Variants in SORCS2 observed in about 807,000 individuals in gnomAD.
SORCS2 encodes sortilin related VPS10 domain containing receptor 2.
A neutral mutation model predicts 141.6 loss-of-function variants in SORCS2; 100 were observed. The observed-to-expected ratio is 0.71, with a 90% confidence interval of 0.60 to 0.83. The LOEUF (loss-of-function observed/expected upper bound fraction) is 0.83. Among genes scored for constraint, SORCS2 ranks in the 40% least tolerant of loss-of-function variants. The pLI, the probability that SORCS2 is intolerant of heterozygous loss-of-function variation, is 0.00. For synonymous variants in SORCS2, 789 were observed against 676.9 expected, an observed-to-expected ratio of 1.17 and a Z score of -2.57; for missense variants, 1,646 against 1,560.2, an observed-to-expected ratio of 1.05 and a Z score of -0.93.
intron 3 of SORCS2, among the ~76,000 whole-genome samples, chr4:7,543,915 C>T (rs1308938778): frequency 7.4e-4 from 23 of 31,184 alleles, no homozygotes; most frequent in African/African-American, 1.7e-3. Context: ...CACCCATCCA[C>T]CCATCCACCC....
chr4:7,238,977 C>T (rs1712491087), intron 1 of SORCS2, among the ~76,000 whole-genome samples: 1 of 152,248 alleles, frequency 6.6e-6, no homozygotes, highest in Non-Finnish European at 1.5e-5. Flanking sequence ...GCCCCAGCAG[C>T]TCCACCACTG....
chr4:7,443,175 T>A (rs1727784780), intron 2 of SORCS2, among the ~76,000 whole-genome samples: 1 of 152,134 alleles, frequency 6.6e-6, no homozygotes, highest in South Asian at 2.1e-4. Context: ...GGTACCAGGG[T>A]TAGGACTTGA....
intron 12 of SORCS2, among the ~76,000 whole-genome samples, chr4:7,698,928 G>A (rs1432278561): frequency 1.3e-5 from 2 of 152,172 alleles, no homozygotes; most frequent in African/African-American, 2.4e-5. Flanking sequence ...CAGAGGCAGG[G>A]AGGGCAGGGT....
intron 14 of SORCS2, 23 bp downstream of exon 14, chr4:7,704,307 G>C (rs761293669): frequency 6.3e-7 from 1 of 1,582,436 alleles, no homozygotes; most frequent in Middle Eastern, 1.7e-4. Context: ...ACCGGGGAGT[G>C]GGCACTGGTG....
At chr4:7,538,151 C>T (rs773796412) in intron 3 of SORCS2, among the ~76,000 whole-genome samples, 9 of 152,188 alleles carry the variant, frequency 5.9e-5, no homozygotes, top group Non-Finnish European at 1.2e-4. Flanking sequence ...TGCAGGAAGA[C>T]GTGAATACTA....
At chr4:7,424,165 C>G (rs985724567) in intron 2 of SORCS2, among the ~76,000 whole-genome samples, 1 of 152,202 alleles carries the variant, frequency 6.6e-6, no homozygotes, top group Non-Finnish European at 1.5e-5. Context: ...GGTGGTGGGA[C>G]AGAGCTGCAG....
At chr4:7,709,919 C>T (rs1188540725) in intron 14 of SORCS2, among the ~76,000 whole-genome samples, 2 of 152,144 alleles carry the variant, frequency 1.3e-5, no homozygotes, top group African/African-American at 4.8e-5. Flanking sequence ...GTTCACCCCT[C>T]GCAGCGTGGC....
At chr4:7,322,529 A>G (rs536639601) in intron 1 of SORCS2, among the ~76,000 whole-genome samples, 1 of 152,152 alleles carries the variant, frequency 6.6e-6, no homozygotes, top group East Asian at 1.9e-4. Context: ...GGCAAAGTAG[A>G]TGGTGCCCAG....
At chr4:7,608,831 T>G (rs1233674356) in intron 3 of SORCS2, among the ~76,000 whole-genome samples, 2 of 152,182 alleles carry the variant, frequency 1.3e-5, no homozygotes, top group African/African-American at 4.8e-5. Flanking sequence ...TGTACCAGAT[T>G]CTGCTTGGGG....
chr4:7,396,945 A>T (rs935869179), intron 2 of SORCS2, among the ~76,000 whole-genome samples: 2 of 152,200 alleles, frequency 1.3e-5, no homozygotes, highest in Non-Finnish European at 2.9e-5. Flanking sequence ...ATCCTCCTCA[A>T]TATTTACATC....
intron 3 of SORCS2, among the ~76,000 whole-genome samples, chr4:7,576,490 T>A (rs758866936): frequency 6.6e-6 from 1 of 152,170 alleles, no homozygotes; most frequent in Non-Finnish European, 1.5e-5. Context: ...CCTGTGGGAC[T>A]GAGAAGGGGT....
chr4:7,305,428 G>A (rs187861280), intron 1 of SORCS2, among the ~76,000 whole-genome samples: 89 of 150,950 alleles, frequency 5.9e-4, no homozygotes, highest in Non-Finnish European at 1.1e-3. Context: ...AGGGGTGCCC[G>A]GCCAGTGCTA....
At chr4:7,641,439 C>T (rs1720721281) in intron 4 of SORCS2, among the ~76,000 whole-genome samples, 1 of 152,150 alleles carries the variant, frequency 6.6e-6, no homozygotes, top group Admixed American at 6.5e-5. Flanking sequence ...GGAAACTGCC[C>T]CATGATCCAA....
intron 1 of SORCS2, among the ~76,000 whole-genome samples, chr4:7,251,394 G>T (rs575199408): frequency 4.2e-4 from 64 of 152,188 alleles, no homozygotes; most frequent in Non-Finnish European, 7.5e-4. Flanking sequence ...TGGAGAGAGG[G>T]TTGGGGGGAC....
chr4:7,513,514 G>A (rs1026728819), intron 2 of SORCS2, among the ~76,000 whole-genome samples: 2 of 152,252 alleles, frequency 1.3e-5, no homozygotes, highest in African/African-American at 4.8e-5. Flanking sequence ...CCCCCATGTG[G>A]AGGTTGGTCC....
chr4:7,409,553 C>G (rs1725175618), intron 2 of SORCS2, among the ~76,000 whole-genome samples: 1 of 152,140 alleles, frequency 6.6e-6, no homozygotes, highest in Non-Finnish European at 1.5e-5. Flanking sequence ...GAGTTGTTTT[C>G]TATGGATCAT....
chr4:7,338,254 T>TGTC (rs1361157665), intron 1 of SORCS2, among the ~76,000 whole-genome samples: 1 of 147,988 alleles, frequency 6.8e-6, no homozygotes, highest in African/African-American at 2.5e-5. Context: ...GATGGATGGA[T>TGTC]GGATGGATGC....
intron 3 of SORCS2, among the ~76,000 whole-genome samples, chr4:7,624,522 A>G (rs1317029297): frequency 6.6e-6 from 1 of 152,262 alleles, no homozygotes; most frequent in African/African-American, 2.4e-5. Context: ...TTGAAGAGAC[A>G]GTCTTAGGAG....
intron 1 of SORCS2, among the ~76,000 whole-genome samples, chr4:7,367,488 G>A (rs1721972800): frequency 6.6e-6 from 1 of 152,224 alleles, no homozygotes; most frequent in Admixed American, 6.5e-5. Context: ...GGTTGTGGGA[G>A]CATTAAACAG....
Sources: allele counts gnomAD v4.1 joint callset (sites outside exome capture counted in the v4.1 genomes callset), GRCh38; gene constraint gnomAD v4.1.1; transcripts MANE v1.5; gene names NCBI Gene and HGNC (gene_info 2026-07-23, HGNC 2026-07-21).